The following SIDT2 variants were observed in gnomAD, a reference collection of about 807,000 sequenced individuals.
SIDT2 encodes the protein SID1 transmembrane family, member 2.
SIDT2 carries 68 observed loss-of-function variants against 114.4 expected under a neutral mutation model. That is an observed-to-expected ratio of 0.59 (90% CI 0.49 to 0.73). SIDT2 has a LOEUF of 0.73. Ranked by LOEUF, SIDT2 falls within the 30% of genes least tolerant of loss-of-function variation. The probability of loss-of-function intolerance (pLI) is 0.00; values close to 1 mark genes in which losing one functional copy is unlikely to be tolerated. For synonymous variants in SIDT2, 470 were observed against 438.4 expected, an observed-to-expected ratio of 1.07 and a Z score of -0.90; for missense variants, 918 against 1,097.1, an observed-to-expected ratio of 0.84 and a Z score of 2.31.
chr11:117,190,247 C>G lies in SIDT2; in HGVS notation c.1575C>G (p.Ile525Met). ...TGCTCATCATCCTGCAACGGGAGAT[C>G]AACCACAACCGGGCCCTGCTGCGCA... ...LFLLIILQREINHNRALLRND... is the reference protein window; with the variant it reads ...LFLLIILQREMNHNRALLRND... The change falls in exon 17 of 26, where the codon ATC becomes ATG. Residue 525 changes from isoleucine (I) to methionine (M), a missense_variant. Physicochemically the swap from Ile to Met is conservative, Grantham distance 10. Coordinates refer to ENST00000324225, the MANE Select transcript of SIDT2 (RefSeq NM_001040455.2). The surrounding 1 kb of genome is among the most constrained non-coding windows in gnomAD (Gnocchi z 4.1). The G allele has an allele frequency of 6.4e-7, 1 of 1,571,842 alleles. No homozygotes were observed. Among genetic ancestry groups the G allele is most frequent in the Non-Finnish European group, 8.6e-7 (1 of 1,159,912 alleles).
rs774122660 is a variant in SIDT2, at chr11:117,181,402, A to C, written c.184-14A>C. The C allele has an allele frequency of 3.1e-6, 5 of 1,613,038 alleles. No homozygotes were observed. In the African/African-American group the frequency reaches 4.0e-5, roughly 13 times the overall value. Reference sequence around the variant, plus strand: ...TGGCAGAGGCTTGAGAGGCATTTCCATGTCGTTCTGCAGACAGAGGGCGTG... The same window carrying C: ...TGGCAGAGGCTTGAGAGGCATTTCCCTGTCGTTCTGCAGACAGAGGGCGTG... On this transcript the variant is annotated splice_polypyrimidine_tract_variant and intron_variant, in intron 1 of 25. Coordinates refer to ENST00000324225, the MANE Select transcript of SIDT2 (RefSeq NM_001040455.2).
At chr11:117,187,062 G>A (rs1248677780) in intron 10 of SIDT2, 28 of 1,462,118 alleles carry the variant, frequency 1.9e-5, no homozygotes, top group Non-Finnish European at 2.5e-5. Flanking sequence ...GGAGGGTGCA[G>A]CACAGGGCTG....
In SIDT2 at chr11:117,189,903, G is replaced by A. The variant is rs1317004799; in HGVS notation, c.1420-49G>A. 2.5e-6 allele frequency: 4 copies of A among 1,592,664 alleles called. No individual in the cohort carries two copies. In the Admixed American group the frequency reaches 5.0e-5, roughly 20 times the overall value. The stretch of plus-strand genomic sequence containing the variant: ...GGGCCCGGATGGCGGGGCGTGGGCT[G>A]AGTTGGGCGTGACGACAGACCCACT... On this transcript the variant is annotated intron_variant, in intron 15 of 25. Coordinates refer to ENST00000324225, the MANE Select transcript of SIDT2 (RefSeq NM_001040455.2).
rs571215339 is a variant in SIDT2, at chr11:117,183,864, A to G, written c.788A>G (p.Tyr263Cys). 5 of 1,613,218 alleles carry G rather than the reference A, an allele frequency of 3.1e-6. No homozygotes were observed. The highest frequency in any genetic ancestry group is 3.3e-5 in the Admixed American group (2 of 59,992). ...GCCTGCGGGGGCTCCCTGCCTTTCT[A>G]CCCCTTCGCAGAAGGTACATTTTGT... The part of the protein sequence containing the change: ...DQACGGSLPF[Y>C]PFAEDEPVDQ... Residue 263 changes from tyrosine (Y) to cysteine (C), a missense_variant, in exon 7 of 26, where the codon TAC (tyrosine) becomes TGC (cysteine). By Grantham distance (194) the Tyr-to-Cys change is radical. Transcript: ENST00000324225.
intron 6 of SIDT2, 43 bp from the exon 7 acceptor site, chr11:117,183,730 AATGATG>A: frequency 8.0e-7 from 1 of 1,251,346 alleles, no homozygotes; most frequent in Non-Finnish European, 1.2e-6. Flanking sequence ...TTTAGAAAAG[AATGATG>A]ATGATGATGA....
chr11:117,196,484 A>C lies in SIDT2; in HGVS notation c.*418A>C. ...GGACCTAAGGCCTCTTTTTCCTCCCATACTCCCACTCCAGGGCCTAGTCTG... is the reference window on the plus strand; with the variant it reads ...GGACCTAAGGCCTCTTTTTCCTCCCCTACTCCCACTCCAGGGCCTAGTCTG... On this transcript the variant is annotated 3_prime_UTR_variant, in exon 26 of 26. Coordinates refer to ENST00000324225, the MANE Select transcript of SIDT2 (RefSeq NM_001040455.2). The surrounding 1 kb of genome is among the most constrained non-coding windows in gnomAD (Gnocchi z 4.9). 4.4e-6 allele frequency: 1 copy of C among 225,370 alleles called. No individual in the cohort carries two copies. The highest frequency in any genetic ancestry group is 9.0e-6 in the Non-Finnish European group (1 of 111,550). The allele number at this position is 225,370 out of a possible 1,614,324, so 14.0% of individuals were successfully genotyped here.
chr11:117,181,636 G>T (rs2030289343), intron 2 of SIDT2, 99 bp downstream of exon 2: 1 of 1,588,508 alleles, frequency 6.3e-7, no homozygotes, highest in Non-Finnish European at 8.6e-7. Context: ...CCCTTTCCCT[G>T]GGCTGGGAGG....
In SIDT2 at chr11:117,192,577, C is replaced by T. The variant is rs758627899; in HGVS notation, c.1985C>T (p.Ser662Leu). ...CACCACTCCCTTCTCTTCGCAGACT[C>T]GGGGATCTTCCGCCGCATCCTCCAC... ...LYYMGRWKLD[S>L]GIFRRILHVL... The change falls in exon 21 of 26, where the codon TCG becomes TTG. Residue 662 changes from serine to leucine, a missense_variant. Physicochemically the swap from Ser to Leu is moderately radical, Grantham distance 145. Transcript: ENST00000324225. This position sits in a 1 kb window ranked among gnomAD's most constrained non-coding sequence, Gnocchi z 5.9. 6 of 1,608,846 alleles carry T rather than the reference C, an allele frequency of 3.7e-6. No homozygotes were observed. Among genetic ancestry groups the T allele is most frequent in the Admixed American group, 1.7e-5 (1 of 59,996 alleles).
chr11:117,178,806 G>GC lies in SIDT2; in HGVS notation c.-457dup, dbSNP rs1356474122. On this transcript the variant is annotated 5_prime_UTR_variant, in exon 1 of 26. Coordinates refer to ENST00000324225, the MANE Select transcript of SIDT2 (RefSeq NM_001040455.2). ...AAAGGGCCCGCACCTCGGAAAACTCGCAGCCCAGCACGGCGTCGGGTAGCT... is the reference window on the plus strand; with the variant it reads ...AAAGGGCCCGCACCTCGGAAAACTCGCCAGCCCAGCACGGCGTCGGGTAGCT... 1.2e-5 allele frequency: 2 copies of GC among 161,724 alleles called. No homozygotes were observed. Among genetic ancestry groups the GC allele is most frequent in the African/African-American group, 4.8e-5 (2 of 41,368 alleles). The allele number at this position is 161,724 out of a possible 1,614,324, so 10.0% of individuals were successfully genotyped here. A position where few individuals can be genotyped will look rare whatever the true frequency, so the allele number is the denominator to read the frequency against.
At position 117,191,942 on chromosome 11, in the gene SIDT2, G is replaced by A. The variant is rs746302521; in HGVS notation, c.1800G>A (p.Pro600=). The stretch of plus-strand genomic sequence containing the variant: ...TGAAGCTCTACCAGAAGCGGCACCC[G>A]GACATCAACGCCAGCGCCTACAGTG... ...CMLKLYQKRH[P]DINASAYSAY... The change falls in exon 19 of 26, where the codon CCG becomes CCA. Residue 600 remains proline, a synonymous_variant. Coordinates refer to ENST00000324225, the MANE Select transcript of SIDT2 (RefSeq NM_001040455.2). 7 of 1,614,108 alleles carry A rather than the reference G, an allele frequency of 4.3e-6. No homozygotes were observed. The highest frequency in any genetic ancestry group is 2.2e-5 in the East Asian group (1 of 44,870).
intron 1 of SIDT2, among the ~76,000 whole-genome samples, chr11:117,180,071 T>G (rs1400633366): frequency 3.3e-5 from 5 of 152,206 alleles, no homozygotes; most frequent in African/African-American, 1.2e-4. Flanking sequence ...TGTGAGTCCC[T>G]GAGTTGAAAT....
At position 117,179,458 on chromosome 11, in the gene SIDT2, G is replaced by A; in HGVS notation, c.183+12G>A. ...TGACCCGCAACAGGGTGAGGGCTGG[G>A]GGCTTAGGGGCCAGAGGCGAGTGGG... On this transcript the variant is annotated intron_variant, in intron 1 of 25. Transcript: ENST00000324225. The A allele has an allele frequency of 6.2e-7, 1 of 1,609,044 alleles. No individual in the cohort carries two copies. The highest frequency in any genetic ancestry group is 8.5e-7 in the Non-Finnish European group (1 of 1,176,728).
chr11:117,195,587 G>A (rs1328083440), intron 24 of SIDT2, among the ~76,000 whole-genome samples: 1 of 152,172 alleles, frequency 6.6e-6, no homozygotes, highest in Non-Finnish European at 1.5e-5. Context: ...GAAAGAAAAG[G>A]GAAGAGAAGC....
intron 4 of SIDT2, 157 bp from the exon 5 acceptor site, chr11:117,182,362 G>A: frequency 1.4e-6 from 1 of 734,438 alleles, no homozygotes; most frequent in Non-Finnish European, 2.3e-6. Context: ...TACAGAGAAA[G>A]GGGCTGCTGT....
rs1285960555 is a variant in SIDT2, at chr11:117,190,967, G to T, written c.1735+227G>T. 1 of 492,014 alleles carries T rather than the reference G, an allele frequency of 2.0e-6. No homozygotes were observed. The highest frequency in any genetic ancestry group is 3.7e-6 in the Non-Finnish European group (1 of 273,198). The allele number at this position is 492,014 out of a possible 1,614,324, so 30.5% of individuals were successfully genotyped here. On this transcript the variant is annotated intron_variant, in intron 18 of 25. Transcript: ENST00000324225. This position sits in a 1 kb window ranked among gnomAD's most constrained non-coding sequence, Gnocchi z 4.1. ...ATGTAAAGGCATGTGCCGCAGTGAA[G>T]AAAACAGTATAATTAAGAAGGGGTC...
At chr11:117,182,239 C>T (rs933613813) in intron 4 of SIDT2, 134 bp downstream of exon 4, 4 of 1,042,668 alleles carry the variant, frequency 3.8e-6, no homozygotes, top group Non-Finnish European at 5.7e-6. Flanking sequence ...GAAACAGGAG[C>T]TCTGGCCCTG....
At position 117,182,590 on chromosome 11, in the gene SIDT2, C is replaced by T; in HGVS notation, c.588C>T (p.Pro196=). 1 of 1,614,264 alleles carries T rather than the reference C, an allele frequency of 6.2e-7. No homozygotes were observed. The highest frequency in any genetic ancestry group is 1.1e-5 in the South Asian group (1 of 91,088). ...AGGTGACCTCCAACAAGGCCTTCCC[C>T]TGCTCAGTCATCTCCATTCAGGATG... ...IVKVTSNKAF[P]CSVISIQDVL... is the part of the protein sequence containing the mutation. Residue 196 remains proline, a synonymous_variant, in exon 5 of 26, where the codon CCC becomes CCT. Coordinates refer to ENST00000324225, the MANE Select transcript of SIDT2 (RefSeq NM_001040455.2).
intron 1 of SIDT2, 50 bp downstream of exon 1, chr11:117,179,496 G>T: frequency 6.4e-7 from 1 of 1,568,930 alleles, no homozygotes; most frequent in South Asian, 1.2e-5. Flanking sequence ...AGCCGACGAG[G>T]GCTAGGCGAT....
intron 24 of SIDT2, among the ~76,000 whole-genome samples, chr11:117,195,085 CAAA>C (rs55970874): frequency 6.6e-3 from 301 of 45,584 alleles, no homozygotes; most frequent in African/African-American, 0.018. Flanking sequence ...GACTCTGTCT[CAAA>C]AAAAAAAAAA....
Sources: gnomAD v4.1 joint callset for allele counts (sites outside exome capture counted in the v4.1 genomes callset) on GRCh38, gnomAD v4.1.1 for gene constraint, Gnocchi (gnomAD v3.1) non-coding constraint, MANE v1.5 for transcripts, NCBI Gene and HGNC (gene_info 2026-07-23, HGNC 2026-07-21) for gene names.